The following CLSTN2 variants were observed in gnomAD, a reference collection of about 807,000 sequenced individuals.
CLSTN2 encodes the protein calsyntenin 2.
Under a neutral mutation model 101.2 loss-of-function variants are expected in CLSTN2, and 48 were observed. The observed-to-expected ratio is 0.47, with a 90% CI of 0.38 to 0.60. The LOEUF (loss-of-function observed/expected upper bound fraction) is 0.60, where lower values mean the gene tolerates loss of function less well. Ranked by LOEUF, CLSTN2 falls within the 20% of genes least tolerant of loss-of-function variation. The pLI is 0.00. For synonymous variants in CLSTN2, 481 were observed against 463.6 expected (o/e 1.04, Z -0.48); for missense variants, 1,160 against 1,238.2 (o/e 0.94, Z 0.95).
chr3:139,975,921 T>G (rs1001440787), intron 1 of CLSTN2, among the ~76,000 whole-genome samples: 15 of 152,210 alleles, frequency 9.9e-5, no homozygotes, highest in African/African-American at 3.6e-4. Flanking sequence ...CCGTACTACA[T>G]GTAATTCTTA....
chr3:140,157,293 A>G (rs2009970786), intron 1 of CLSTN2, among the ~76,000 whole-genome samples: 1 of 152,004 alleles, frequency 6.6e-6, no homozygotes, highest in South Asian at 2.1e-4. Flanking sequence ...AATGTTTTGG[A>G]AGAGTTTCAG....
chr3:140,247,502 A>G (rs1205072945), intron 2 of CLSTN2, among the ~76,000 whole-genome samples: 1 of 152,178 alleles, frequency 6.6e-6, no homozygotes, highest in African/African-American at 2.4e-5. Context: ...TCAATGTCAA[A>G]CTGGCATACC....
At chr3:139,978,767 A>G (rs575727186) in intron 1 of CLSTN2, among the ~76,000 whole-genome samples, 7 of 151,714 alleles carry the variant, frequency 4.6e-5, no homozygotes, top group Non-Finnish European at 1.0e-4. Flanking sequence ...GTCAATACCT[A>G]ATGCCAAGAG....
At chr3:140,235,902 A>G (rs538064841) in intron 2 of CLSTN2, among the ~76,000 whole-genome samples, 6 of 152,314 alleles carry the variant, frequency 3.9e-5, no homozygotes, top group African/African-American at 7.2e-5. Flanking sequence ...GAAAGGAGAT[A>G]GTAGTGAAGA....
chr3:140,240,305 T>TATACATATATACACATATATATATACAC, intron 2 of CLSTN2, among the ~76,000 whole-genome samples: 1 of 143,370 alleles, frequency 7.0e-6, no homozygotes, highest in Non-Finnish European at 1.5e-5. Flanking sequence ...TATATATATA[T>TATACATATATACACATATATATATACAC]ACACACACAC....
intron 5 of CLSTN2, among the ~76,000 whole-genome samples, chr3:140,423,635 T>C (rs374374166): frequency 1.4e-4 from 21 of 152,338 alleles, no homozygotes; most frequent in African/African-American, 5.1e-4. Context: ...CTTTATTCTT[T>C]AATTCATAGT....
chr3:140,556,858 A>C (rs765804754), intron 11 of CLSTN2, 197 bp downstream of exon 11: 554 of 570,650 alleles, frequency 9.7e-4, no homozygotes, highest in Non-Finnish European at 1.6e-4. Context: ...CTGTTGTTTT[A>C]CCACCTTGAA....
chr3:140,228,606 A>G (rs960626677), intron 2 of CLSTN2, among the ~76,000 whole-genome samples: 2 of 152,150 alleles, frequency 1.3e-5, no homozygotes, highest in African/African-American at 4.8e-5. Flanking sequence ...GTATTAGTTC[A>G]TTTTCATGCT....
chr3:140,457,404 G>T (rs763021466), intron 6 of CLSTN2, among the ~76,000 whole-genome samples: 7 of 152,302 alleles, frequency 4.6e-5, no homozygotes, highest in Admixed American at 3.9e-4. Context: ...TTGCCATGTT[G>T]TGTTATTCCA....
intron 1 of CLSTN2, among the ~76,000 whole-genome samples, chr3:140,070,722 T>C (rs1001292541): frequency 1.3e-5 from 2 of 152,162 alleles, no homozygotes; most frequent in Non-Finnish European, 2.9e-5. Context: ...TCCAAAATGA[T>C]ACTATGGCTC....
At chr3:140,540,806 G>A (rs549148323) in intron 9 of CLSTN2, among the ~76,000 whole-genome samples, 1 of 152,320 alleles carries the variant, frequency 6.6e-6, no homozygotes, top group South Asian at 2.1e-4. Flanking sequence ...AGAAGAGGTA[G>A]ACACACTGGT....
chr3:140,320,242 ACT>A (rs1176108025), intron 2 of CLSTN2, among the ~76,000 whole-genome samples: 1 of 151,920 alleles, frequency 6.6e-6, no homozygotes, highest in South Asian at 2.1e-4. Context: ...AACGTCACAG[ACT>A]CTGGGCACTG....
chr3:140,257,858 T>C (rs1175994900), intron 2 of CLSTN2, among the ~76,000 whole-genome samples: 5 of 152,160 alleles, frequency 3.3e-5, no homozygotes, highest in African/African-American at 1.2e-4. Context: ...TTCAGATTCT[T>C]TCCTTAAGAT....
At chr3:139,950,951 G>A (rs551088970) in intron 1 of CLSTN2, among the ~76,000 whole-genome samples, 8 of 152,294 alleles carry the variant, frequency 5.3e-5, no homozygotes, top group African/African-American at 1.7e-4. Context: ...GACATATTGT[G>A]GCGATGTGAC....
chr3:140,538,728 C>T (rs1405595669), intron 9 of CLSTN2, among the ~76,000 whole-genome samples: 1 of 152,186 alleles, frequency 6.6e-6, no homozygotes, highest in East Asian at 1.9e-4. Context: ...AGGGTGTCTA[C>T]AGCTGGAAGA....
intron 6 of CLSTN2, 98 bp downstream of exon 6, chr3:140,448,802 C>T (rs999419022): frequency 8.2e-5 from 85 of 1,033,458 alleles, no homozygotes; most frequent in Non-Finnish European, 2.3e-5. Flanking sequence ...ATCAACCCTC[C>T]CTTCCTGCAC....
chr3:140,140,578 T>A (rs1042907368), intron 1 of CLSTN2, among the ~76,000 whole-genome samples: 3 of 152,188 alleles, frequency 2.0e-5, no homozygotes, highest in Admixed American at 6.5e-5. Context: ...GGGAATCACA[T>A]TTCAACACGA....
chr3:140,304,303 GA>G (rs552654152), intron 2 of CLSTN2, among the ~76,000 whole-genome samples: 56 of 152,250 alleles, frequency 3.7e-4, no homozygotes, highest in African/African-American at 1.0e-3. Flanking sequence ...GTCTTAGTTG[GA>G]CAGCCATAAC....
intron 8 of CLSTN2, among the ~76,000 whole-genome samples, chr3:140,469,262 C>T (rs1229318381): frequency 2.6e-5 from 4 of 152,172 alleles, no homozygotes; most frequent in Non-Finnish European, 5.9e-5. Flanking sequence ...AAGAAATTAA[C>T]ATTTAAAAAG....
Sources: gnomAD v4.1 joint callset for allele counts (sites outside exome capture counted in the v4.1 genomes callset) on GRCh38, gnomAD v4.1.1 for gene constraint, MANE v1.5 for transcripts, NCBI Gene and HGNC (gene_info 2026-07-23, HGNC 2026-07-21) for gene names.